The following CHRM3 variants were observed in gnomAD, a reference collection of about 807,000 sequenced individuals.
CHRM3 encodes muscarinic acetylcholine receptor M3.
In CHRM3, 11 loss-of-function variants were observed where a neutral mutation model predicts 41.8. That is an observed-to-expected ratio of 0.26 (90% CI 0.17 to 0.44). The LOEUF is 0.44. CHRM3 is among the 20% of genes least tolerant of loss of function. The probability of loss-of-function intolerance (pLI) is 1.00; values close to 1 mark genes in which losing one functional copy is unlikely to be tolerated. For synonymous variants in CHRM3, 297 were observed against 301.4 expected (o/e 0.99, Z 0.15); for missense variants, 571 against 745.4 (o/e 0.77, Z 2.72).
At chr1:239,897,621 G>T (rs1259156668) in intron 6 of CHRM3, among the ~76,000 whole-genome samples, 1 of 151,888 alleles carries the variant, frequency 6.6e-6, no homozygotes, top group African/African-American at 2.4e-5. Flanking sequence ...ACAGAATCCA[G>T]CTGCACTCTT....
chr1:239,696,403 G>A (rs1217469884), intron 5 of CHRM3, among the ~76,000 whole-genome samples: 3 of 149,760 alleles, frequency 2.0e-5, no homozygotes, highest in African/African-American at 7.4e-5. Context: ...GCTGAAGCGT[G>A]GACACTGGTG....
At chr1:239,521,367 A>G (rs978807862) in intron 2 of CHRM3, among the ~76,000 whole-genome samples, 8 of 152,158 alleles carry the variant, frequency 5.3e-5, no homozygotes, top group African/African-American at 1.7e-4. Flanking sequence ...AAGACAGTGA[A>G]TCTTTGAGGA....
chr1:239,773,054 G>A (rs1572246657), intron 5 of CHRM3, among the ~76,000 whole-genome samples: 1 of 152,144 alleles, frequency 6.6e-6, no homozygotes, highest in East Asian at 1.9e-4. Flanking sequence ...GAGATTCTTA[G>A]TGATATGATA....
At chr1:239,679,061 A>AGATAGATAGATATG (rs1658303996) in intron 5 of CHRM3, among the ~76,000 whole-genome samples, 1 of 152,186 alleles carries the variant, frequency 6.6e-6, no homozygotes, top group African/African-American at 2.4e-5. Context: ...AGATAGATAT[A>AGATAGATAGATATG]GACATAGGTA....
intron 1 of CHRM3, among the ~76,000 whole-genome samples, chr1:239,396,935 C>A (rs776883123): frequency 5.3e-5 from 8 of 152,178 alleles, no homozygotes; most frequent in Non-Finnish European, 1.0e-4. Flanking sequence ...TGCATAAAAA[C>A]CAATCTGCTT....
At chr1:239,817,861 C>T (rs1671721292) in intron 5 of CHRM3, among the ~76,000 whole-genome samples, 3 of 152,136 alleles carry the variant, frequency 2.0e-5, no homozygotes, top group Non-Finnish European at 2.9e-5. Flanking sequence ...TGTCAGGTGC[C>T]ACTTACTAGC....
At chr1:239,696,024 T>G (rs1283980880) in intron 5 of CHRM3, among the ~76,000 whole-genome samples, 1 of 152,212 alleles carries the variant, frequency 6.6e-6, no homozygotes, top group Non-Finnish European at 1.5e-5. Flanking sequence ...TACTGACATA[T>G]TCTCTCCTAT....
intron 5 of CHRM3, among the ~76,000 whole-genome samples, chr1:239,783,918 T>C (rs1668696003): frequency 6.6e-6 from 1 of 152,150 alleles, no homozygotes; most frequent in Non-Finnish European, 1.5e-5. Flanking sequence ...TGTCCAGATG[T>C]AGTCAATGTT....
intron 1 of CHRM3, among the ~76,000 whole-genome samples, chr1:239,468,766 AAACCATTGCAAGCATTCAGCGTGACCCTG>A (rs1466815841): frequency 6.6e-6 from 1 of 152,142 alleles, no homozygotes; most frequent in Admixed American, 6.5e-5. Flanking sequence ...TTATGTACTA[AAACCATTGCAAGCATTCAGCGTGACCCTG>A]AACTCCAGCA....
chr1:239,906,800 G>A (rs1236241466), intron 6 of CHRM3, among the ~76,000 whole-genome samples: 1 of 152,160 alleles, frequency 6.6e-6, no homozygotes, highest in Admixed American at 6.5e-5. Flanking sequence ...ATGTTATCAA[G>A]TAGAAGATAG....
At chr1:239,890,659 A>T (rs1678477194) in intron 6 of CHRM3, among the ~76,000 whole-genome samples, 1 of 152,188 alleles carries the variant, frequency 6.6e-6, no homozygotes, top group African/African-American at 2.4e-5. Flanking sequence ...TGCATCCTGA[A>T]ATATCACAAT....
chr1:239,693,719 A>G (rs1328796391), intron 5 of CHRM3, among the ~76,000 whole-genome samples: 1 of 152,224 alleles, frequency 6.6e-6, no homozygotes, highest in Non-Finnish European at 1.5e-5. Context: ...TGAGGGTGGT[A>G]GGAAAGGCTG....
intron 2 of CHRM3, among the ~76,000 whole-genome samples, chr1:239,525,004 T>C (rs947787342): frequency 6.6e-6 from 1 of 152,188 alleles, no homozygotes; most frequent in African/African-American, 2.4e-5. Flanking sequence ...TCCTTTACAA[T>C]GTACTAACCG....
At chr1:239,524,391 C>A (rs1287684083) in intron 2 of CHRM3, among the ~76,000 whole-genome samples, 1 of 152,076 alleles carries the variant, frequency 6.6e-6, no homozygotes, top group Non-Finnish European at 1.5e-5. Context: ...TAGCTATCAT[C>A]CCAGCAAAAT....
intron 2 of CHRM3, among the ~76,000 whole-genome samples, chr1:239,508,847 A>G (rs1668743587): frequency 6.6e-6 from 1 of 152,160 alleles, no homozygotes; most frequent in Non-Finnish European, 1.5e-5. Flanking sequence ...CTCTTTACGT[A>G]TTCTTTAAGC....
At chr1:239,555,982 A>T (rs1660313883) in intron 3 of CHRM3, among the ~76,000 whole-genome samples, 1 of 152,220 alleles carries the variant, frequency 6.6e-6, no homozygotes, top group African/African-American at 2.4e-5. Context: ...AATCATTTTT[A>T]GTGATCTTTG....
intron 5 of CHRM3, among the ~76,000 whole-genome samples, chr1:239,777,514 G>C (rs1208053962): frequency 1.3e-5 from 2 of 152,156 alleles, no homozygotes; most frequent in African/African-American, 4.8e-5. Context: ...ACTTCAGGAA[G>C]ATAAAATGTT....
In CHRM3 at chr1:239,492,737, G is replaced by A. The variant is rs1488663364; in HGVS notation, c.-492G>A. ...GAAGGACTTTGCTGCTTTGGGCCAG[G>A]ATCTGAACTTAGGTGTAAACCATTG... On this transcript the variant is annotated 5_prime_UTR_variant, in exon 2 of 7. Transcript: ENST00000676153. 6.6e-6 allele frequency: 1 copy of A among 152,218 alleles called. No homozygotes were observed. The highest frequency in any genetic ancestry group is 1.5e-5 in the Non-Finnish European group (1 of 68,090). 9.4% of individuals were successfully genotyped at this position (152,218 alleles called of 1,614,324 possible).
At chr1:239,507,498 C>A (rs750537543) in intron 2 of CHRM3, among the ~76,000 whole-genome samples, 1 of 152,194 alleles carries the variant, frequency 6.6e-6, no homozygotes, top group Non-Finnish European at 1.5e-5. Context: ...AAACTTCTTT[C>A]TTTTGTAAAT....
Sources: gnomAD v4.1 joint callset for allele counts (sites outside exome capture counted in the v4.1 genomes callset) on GRCh38, gnomAD v4.1.1 for gene constraint, MANE v1.5 for transcripts, NCBI Gene and HGNC (gene_info 2026-07-23, HGNC 2026-07-21) for gene names.